The following CTNNA3 variants were observed in gnomAD, a reference collection of about 807,000 sequenced individuals.
CTNNA3 encodes the protein catenin alpha-3.
A neutral mutation model predicts 95.7 loss-of-function variants in CTNNA3; 76 were observed. The observed-to-expected ratio is 0.79, with a 90% CI of 0.66 to 0.96. CTNNA3 has a LOEUF of 0.96. CTNNA3 is among the 40% of genes least tolerant of loss of function. The pLI, the probability that CTNNA3 is intolerant of heterozygous loss-of-function variation, is 0.00. For synonymous variants in CTNNA3, 431 were observed against 374.4 expected (o/e 1.15, Z -1.74); for missense variants, 1,191 against 1,089.8 (o/e 1.09, Z -1.31).
intron 15 of CTNNA3, among the ~76,000 whole-genome samples, chr10:66,037,944 G>A (rs1163846866): frequency 6.6e-6 from 1 of 152,092 alleles, no homozygotes; most frequent in African/African-American, 2.4e-5. Flanking sequence ...CAGCCCAAAT[G>A]GAAAGGATGC....
intron 7 of CTNNA3, among the ~76,000 whole-genome samples, chr10:67,097,393 G>A (rs929415051): frequency 2.0e-5 from 3 of 151,788 alleles, no homozygotes; most frequent in Non-Finnish European, 4.4e-5. Context: ...TTTCATCCCA[G>A]GATTTAAAAC....
At chr10:66,815,750 C>T (rs575880840) in intron 7 of CTNNA3, among the ~76,000 whole-genome samples, 52 of 152,106 alleles carry the variant, frequency 3.4e-4, no homozygotes, top group African/African-American at 1.2e-3. Context: ...ATAATCGAAA[C>T]GTGGCAAAAC....
chr10:67,245,193 C>T lies in CTNNA3; in HGVS notation c.580-25323G>A, dbSNP rs78147151. On this transcript the variant is annotated intron_variant, in intron 5 of 17. Coordinates refer to ENST00000433211, the MANE Select transcript of CTNNA3 (RefSeq NM_013266.4). ...TCCCTACATTAGGCCTTCCCACGGC[C>T]GGCATGCTCTTCTAGATCCATGACT... Among the ~76,000 whole-genome samples the T allele has an allele frequency of 3.9e-3, 599 of 152,214 alleles. 6 individuals are homozygous for T. Among genetic ancestry groups the T allele is most frequent in the Non-Finnish European group, 4.8e-3 (325 of 68,016 alleles).
intron 14 of CTNNA3, among the ~76,000 whole-genome samples, chr10:66,072,675 C>A (rs1237106808): frequency 6.6e-6 from 1 of 151,994 alleles, no homozygotes; most frequent in Non-Finnish European, 1.5e-5. Flanking sequence ...GAACTCCTGA[C>A]CTCGTGATCC....
At chr10:67,132,499 A>C (rs887921903) in intron 7 of CTNNA3, among the ~76,000 whole-genome samples, 1 of 152,092 alleles carries the variant, frequency 6.6e-6, no homozygotes, top group African/African-American at 2.4e-5. Flanking sequence ...GAAATCGAGG[A>C]GATGTACAAG....
At chr10:66,086,592 G>A (rs1302058364) in intron 14 of CTNNA3, among the ~76,000 whole-genome samples, 1 of 151,826 alleles carries the variant, frequency 6.6e-6, no homozygotes, top group African/African-American at 2.4e-5. Flanking sequence ...AATTTAAAAA[G>A]GAAGAAAAAA....
At position 67,237,139 on chromosome 10, in the gene CTNNA3, T is replaced by C. The variant is rs1311435898; in HGVS notation, c.580-17269A>G. Among the ~76,000 whole-genome samples the C allele has an allele frequency of 6.1e-3, 336 of 55,392 alleles. 18 individuals are homozygous for C. In the East Asian group the frequency reaches 0.099, roughly 16 times the overall value. 36.3% of individuals were successfully genotyped at this position (55,392 alleles called of 152,430 possible). On this transcript the variant is annotated intron_variant, in intron 5 of 17. Transcript: ENST00000433211. The stretch of plus-strand genomic sequence containing the variant: ...ACTATGGTGTATGTATATATATATA[T>C]ATATATATATATATATATATATATA...
intron 13 of CTNNA3, among the ~76,000 whole-genome samples, chr10:66,223,939 G>A (rs538006103): frequency 6.0e-4 from 91 of 152,244 alleles, no homozygotes; most frequent in Non-Finnish European, 1.0e-3. Context: ...GCTCAAGCCT[G>A]TAATCTCAGC....
chr10:66,318,276 A>ATATATGTGTGTGTGTGTGTGTGTGTG (rs33943741), intron 12 of CTNNA3, among the ~76,000 whole-genome samples: 1 of 136,602 alleles, frequency 7.3e-6, no homozygotes, highest in East Asian at 2.2e-4. Flanking sequence ...ATATATATAT[A>ATATATGTGTGTGTGTGTGTGTGTGTG]TGTGTGTGTG....
At chr10:66,285,356 C>A (rs1269551881) in intron 12 of CTNNA3, among the ~76,000 whole-genome samples, 1 of 151,834 alleles carries the variant, frequency 6.6e-6, no homozygotes, top group Non-Finnish European at 1.5e-5. Context: ...CTTTGAGTCT[C>A]TCCAGTGACT....
intron 5 of CTNNA3, among the ~76,000 whole-genome samples, chr10:67,293,252 T>C (rs1265148527): frequency 6.6e-6 from 1 of 152,164 alleles, no homozygotes; most frequent in Non-Finnish European, 1.5e-5. Flanking sequence ...AGAAGGTAGT[T>C]GGAAGGAGCC....
intron 3 of CTNNA3, among the ~76,000 whole-genome samples, chr10:67,562,105 T>C (rs571323680): frequency 3.2e-4 from 48 of 152,166 alleles, no homozygotes; most frequent in African/African-American, 6.5e-4. Flanking sequence ...TTCCAATCAA[T>C]AGAAAAAGAG....
chr10:66,314,922 T>A (rs776156636), intron 12 of CTNNA3, among the ~76,000 whole-genome samples: 1 of 151,972 alleles, frequency 6.6e-6, no homozygotes, highest in Non-Finnish European at 1.5e-5. Flanking sequence ...CAAAAATAAG[T>A]CCCCTTTAAA....
At chr10:67,621,502 C>T (rs1843842627) in intron 2 of CTNNA3, among the ~76,000 whole-genome samples, 1 of 152,124 alleles carries the variant, frequency 6.6e-6, no homozygotes, top group Admixed American at 6.5e-5. Flanking sequence ...GTAATCCCAG[C>T]ACTTTGGGAG....
At chr10:67,754,172 G>A (rs1400405581) in intron 1 of CTNNA3, among the ~76,000 whole-genome samples, 1 of 152,178 alleles carries the variant, frequency 6.6e-6, no homozygotes, top group Non-Finnish European at 1.5e-5. Context: ...CAGGGAGATG[G>A]ATGGAGCTAG....
chr10:65,966,011 T>C (rs1313394048), intron 17 of CTNNA3, among the ~76,000 whole-genome samples: 7 of 152,176 alleles, frequency 4.6e-5, no homozygotes, highest in Non-Finnish European at 1.0e-4. Context: ...GATCTACTGC[T>C]ATTAAAAGAT....
intron 13 of CTNNA3, among the ~76,000 whole-genome samples, chr10:66,257,464 T>A (rs1346620578): frequency 6.6e-6 from 1 of 152,156 alleles, no homozygotes; most frequent in Non-Finnish European, 1.5e-5. Context: ...TAACACAAAA[T>A]TACATGCTAA....
At chr10:67,659,005 C>A (rs1403670022) in intron 1 of CTNNA3, among the ~76,000 whole-genome samples, 1 of 151,656 alleles carries the variant, frequency 6.6e-6, no homozygotes, top group East Asian at 1.9e-4. Flanking sequence ...TGAAAAGATT[C>A]AAACAAAATT....
Position 67,083,455 on chromosome 10 carries a change from C to T in CTNNA3, c.1047+96862G>A, listed in dbSNP as rs139056430. ...GCCACCCCCACTAAAGCAGAATAAC[C>T]TGATCCCACTGTGTTATGTTTCGTT... On this transcript the variant is annotated intron_variant, in intron 7 of 17. Coordinates refer to ENST00000433211, the MANE Select transcript of CTNNA3 (RefSeq NM_013266.4). 9.7e-3 allele frequency among the ~76,000 whole-genome samples: 1,468 copies of T among 151,878 alleles called. 10 individuals carry two copies. The highest frequency in any genetic ancestry group is 0.014 in the Non-Finnish European group (971 of 67,980).
Sources: gnomAD v4.1 joint callset for allele counts (sites outside exome capture counted in the v4.1 genomes callset) on GRCh38, gnomAD v4.1.1 for gene constraint, MANE v1.5 for transcripts, NCBI Gene and HGNC (gene_info 2026-07-23, HGNC 2026-07-21) for gene names.